The following TKT variants were observed in gnomAD, a reference collection of about 807,000 sequenced individuals.
TKT encodes epididymis luminal protein 107.
TKT carries 47 observed loss-of-function variants against 63.9 expected under a neutral mutation model. That is an observed-to-expected ratio of 0.74 (90% CI 0.58 to 0.94). TKT has a LOEUF of 0.94. Ranked by LOEUF, TKT falls within the 40% of genes least tolerant of loss-of-function variation. The pLI, the probability that TKT is intolerant of heterozygous loss-of-function variation, is 0.00. For synonymous variants in TKT, 338 were observed against 334.1 expected, an observed-to-expected ratio of 1.01 and a Z score of -0.13; for missense variants, 721 against 846.2, an observed-to-expected ratio of 0.85 and a Z score of 1.84.
chr3:53,250,936 G>C (rs918332230), intron 1 of TKT, among the ~76,000 whole-genome samples: 1 of 152,006 alleles, frequency 6.6e-6, no homozygotes, highest in African/African-American at 2.4e-5. Flanking sequence ...CACATGCACA[G>C]CTCTTTCTTT....
chr3:53,233,469 CATT>C (rs1297817098), intron 5 of TKT, 195 bp from the exon 6 acceptor site: 1 of 510,104 alleles, frequency 2.0e-6, no homozygotes, highest in African/African-American at 2.0e-5. Flanking sequence ...TTCTTTTTCA[CATT>C]ATTTTACTTC....
In TKT at chr3:53,230,689, CCTG is replaced by C. The variant is rs1470035052; in HGVS notation, c.943-71_943-69del. The stretch of plus-strand genomic sequence containing the variant: ...TGAGTGCACACCTGCAGCCTGGAGC[CCTG>C]CTTTCAGAGAAGGATTAAAACGGGG... On this transcript the variant is annotated intron_variant, in intron 7 of 13. Transcript: ENST00000462138. The C allele has an allele frequency of 5.1e-6, 8 of 1,577,326 alleles. No homozygotes were observed. The Admixed American group carries it at 1.3e-4, about 25-fold the overall frequency.
intron 2 of TKT, among the ~76,000 whole-genome samples, chr3:53,241,699 C>G (rs1389134463): frequency 6.6e-6 from 1 of 152,174 alleles, no homozygotes; most frequent in Non-Finnish European, 1.5e-5. Context: ...CATCCAAAAC[C>G]CTGCTACAGC....
rs782736977 is a variant in TKT at position 53,241,168 on chromosome 3, C to T, written c.303G>A (p.Arg101=). Residue 101 remains arginine (R), a synonymous_variant, in exon 3 of 14, where the codon AGG becomes AGA. Transcript: ENST00000462138. ...GCCCGTCCAAGTCGGAGCTGATCTT[C>T]CTCAGGTTCAGCAGCTCCGCCTCGG... ...FLAEAELLNL[R]KISSDLDGHP... The T allele has an allele frequency of 4.0e-5, 64 of 1,590,472 alleles. No homozygotes were observed. The South Asian group carries it at 7.0e-4, about 17-fold the overall frequency.
chr3:53,241,086 AG>A, intron 3 of TKT, 45 bp downstream of exon 3: 1 of 1,476,852 alleles, frequency 6.8e-7, no homozygotes. Flanking sequence ...TCTGGGAAAT[AG>A]GAAGTGGAGG....
At position 53,225,856 on chromosome 3, in the gene TKT, C is replaced by G. The variant is rs782578713; in HGVS notation, c.1772G>C (p.Arg591Pro). 3.1e-6 allele frequency: 5 copies of G among 1,614,094 alleles called. No homozygotes were observed. Among genetic ancestry groups the G allele is most frequent in the Non-Finnish European group, 4.2e-6 (5 of 1,180,002 alleles). ...AGCCGGCTTCCCACTTCTTGGTACC[C>G]GGTTAACTGCCAGGTGGGTGACAGT... ...GITVTHLAVN[R>P]VPRSGKPAEL... Residue 591 changes from arginine (R) to proline (P), a missense_variant, in exon 14 of 14, where the codon CGG becomes CCG. By Grantham distance (103) the Arg-to-Pro change is moderately radical. Transcript: ENST00000462138.
intron 1 of TKT, 69 bp downstream of exon 1, chr3:53,255,767 C>A: frequency 9.2e-7 from 1 of 1,085,318 alleles, no homozygotes; most frequent in Non-Finnish European, 1.2e-6. Flanking sequence ...GAGCCCGCGG[C>A]GACTCTGGCC....
In TKT at chr3:53,235,080, G is replaced by C; in HGVS notation, c.532C>G (p.Leu178Val). The C allele has an allele frequency of 6.2e-7, 1 of 1,614,026 alleles. No homozygotes were observed. The highest frequency in any genetic ancestry group is 2.2e-5 in the East Asian group (1 of 44,882). The change falls in exon 5 of 14, where the codon CTT becomes GTT. Residue 178 changes from leucine (L) to valine (V), a missense_variant. By Grantham distance (32) the Leu-to-Val change is conservative. Coordinates refer to ENST00000462138, the MANE Select transcript of TKT (RefSeq NM_001064.4). ...CGATTGATGTCTAGAATGGCCACAA[G>C]GTTGTCCAGCTTATAGATGCTGGCG... The part of the protein sequence containing the change: ...AFASIYKLDN[L>V]VAILDINRLG...
At position 53,236,246 on chromosome 3, in the gene TKT, G is replaced by A. The variant is rs532022351; in HGVS notation, c.438-1072C>T. On this transcript the variant is annotated intron_variant, in intron 4 of 13. Coordinates refer to ENST00000462138, the MANE Select transcript of TKT (RefSeq NM_001064.4). ...TCCTGCAGGAAAAGGCCCTCAACCC[G>A]GCTGCATGCTCAGCAGTCCAAGCCT... 1.6e-3 allele frequency among the ~76,000 whole-genome samples: 246 copies of A among 152,316 alleles called. 1 individual carries two copies. Among genetic ancestry groups the A allele is most frequent in the African/African-American group, 5.0e-3 (207 of 41,568 alleles).
intron 4 of TKT, among the ~76,000 whole-genome samples, chr3:53,236,738 C>T (rs1705049425): frequency 6.6e-6 from 1 of 152,218 alleles, no homozygotes; most frequent in African/African-American, 2.4e-5. Flanking sequence ...GGAGGCCCAG[C>T]ACAGCTTTGG....
At chr3:53,238,089 G>A (rs868933272) in intron 4 of TKT, among the ~76,000 whole-genome samples, 1 of 152,068 alleles carries the variant, frequency 6.6e-6, no homozygotes, top group Non-Finnish European at 1.5e-5. Flanking sequence ...GGATGCCCTG[G>A]CCCCTTCCCC....
At chr3:53,230,296 T>C (rs1466525201) in intron 8 of TKT, among the ~76,000 whole-genome samples, 161 bp downstream of exon 8, 1 of 152,234 alleles carries the variant, frequency 6.6e-6, no homozygotes, top group Non-Finnish European at 1.5e-5. Flanking sequence ...AAACTGTGGC[T>C]GTTCAAGGTC....
chr3:53,255,790 C>T, intron 1 of TKT, 46 bp downstream of exon 1: 1 of 1,330,584 alleles, frequency 7.5e-7, no homozygotes, highest in Non-Finnish European at 9.8e-7. Flanking sequence ...CGCAGACGCC[C>T]CCCGCCCCGC....
At chr3:53,228,937 T>C in intron 10 of TKT, 70 bp downstream of exon 10, 2 of 1,595,390 alleles carry the variant, frequency 1.3e-6, no homozygotes, top group Non-Finnish European at 8.5e-7. Context: ...TGACCAGCTC[T>C]GGCCTCCTCT....
At chr3:53,255,319 A>G (rs564937274) in intron 1 of TKT, among the ~76,000 whole-genome samples, 11 of 152,278 alleles carry the variant, frequency 7.2e-5, no homozygotes, top group African/African-American at 1.7e-4. Context: ...CTAGAGTCGG[A>G]CTGCTGGGGC....
intron 4 of TKT, among the ~76,000 whole-genome samples, chr3:53,235,960 G>T (rs571787550): frequency 6.6e-6 from 1 of 152,406 alleles, no homozygotes; most frequent in South Asian, 2.1e-4. Context: ...GATGTGAGGG[G>T]ATGGGGGTAG....
At chr3:53,232,219 A>G (rs1553677303) in intron 6 of TKT, 4 of 398,012 alleles carry the variant, frequency 1.0e-5, no homozygotes, top group Admixed American at 4.4e-5. Context: ...GGAGCCCCCA[A>G]GAAGCTGCAA....
chr3:53,254,021 C>T (rs1236644892), intron 1 of TKT, among the ~76,000 whole-genome samples: 3 of 152,166 alleles, frequency 2.0e-5, no homozygotes, highest in Non-Finnish European at 4.4e-5. Context: ...AATGTGAATA[C>T]AACACAATCT....
chr3:53,237,495 TACACACACACACACACACACAC>T (rs3075727), intron 4 of TKT, among the ~76,000 whole-genome samples: 47 of 144,792 alleles, frequency 3.2e-4, no homozygotes, highest in South Asian at 4.6e-4. Context: ...TTTTATATTA[TACACACACACACACACACACAC>T]ACACACACAC....
Sources: allele counts gnomAD v4.1 joint callset (sites outside exome capture counted in the v4.1 genomes callset), GRCh38; gene constraint gnomAD v4.1.1; transcripts MANE v1.5; gene names NCBI Gene and HGNC (gene_info 2026-07-23, HGNC 2026-07-21).